The following SNAP25 variants were observed in gnomAD, a reference collection of about 807,000 sequenced individuals.
The protein encoded by SNAP25 is synaptosomal-associated protein 25.
A neutral mutation model predicts 28.7 loss-of-function variants in SNAP25; 3 were observed. That is an observed-to-expected ratio of 0.10 (90% CI 0.05 to 0.27). The LOEUF (loss-of-function observed/expected upper bound fraction) is 0.27, where lower values mean the gene tolerates loss of function less well. SNAP25 is among the 10% of genes least tolerant of loss of function. The probability of loss-of-function intolerance (pLI) is 1.00; values close to 1 mark genes in which losing one functional copy is unlikely to be tolerated. For synonymous variants in SNAP25, 61 were observed against 88.1 expected (o/e 0.69, Z 1.72); for missense variants, 117 against 278.7 (o/e 0.42, Z 4.13).
intron 1 of SNAP25, among the ~76,000 whole-genome samples, chr20:10,239,557 A>T (rs1413616027): frequency 6.6e-6 from 1 of 152,254 alleles, no homozygotes; most frequent in Non-Finnish European, 1.5e-5. Flanking sequence ...TCAAAAAGTC[A>T]TTACAAATTT....
chr20:10,272,441 A>G (rs1030470508), intron 1 of SNAP25, among the ~76,000 whole-genome samples: 2 of 152,034 alleles, frequency 1.3e-5, no homozygotes, highest in African/African-American at 4.8e-5. Flanking sequence ...AGTCTACTCA[A>G]CTTCCCCACG....
At chr20:10,249,288 C>T (rs182026956) in intron 1 of SNAP25, among the ~76,000 whole-genome samples, 127 of 152,198 alleles carry the variant, frequency 8.3e-4, no homozygotes, top group African/African-American at 2.6e-3. Flanking sequence ...GAAGCCCCAT[C>T]GGTGATGGTT....
intron 1 of SNAP25, among the ~76,000 whole-genome samples, chr20:10,257,634 C>A (rs989576386): frequency 1.3e-5 from 2 of 151,154 alleles, no homozygotes; most frequent in Admixed American, 1.3e-4. Context: ...TCGCTTGAAC[C>A]CAGGAGGCAG....
At chr20:10,227,870 G>T (rs2122642267) in intron 1 of SNAP25, among the ~76,000 whole-genome samples, 1 of 152,152 alleles carries the variant, frequency 6.6e-6, no homozygotes, top group East Asian at 1.9e-4. Context: ...TATGGCTTTG[G>T]CCAACTTGTG....
intron 7 of SNAP25, among the ~76,000 whole-genome samples, chr20:10,302,077 A>G (rs2064252963): frequency 6.6e-6 from 1 of 151,930 alleles, no homozygotes; most frequent in South Asian, 2.1e-4. Flanking sequence ...ACTTTGATTT[A>G]AAGTTATCAG....
At chr20:10,267,690 T>G (rs1379735372) in intron 1 of SNAP25, among the ~76,000 whole-genome samples, 1 of 152,132 alleles carries the variant, frequency 6.6e-6, no homozygotes, top group Non-Finnish European at 1.5e-5. Flanking sequence ...TGCCTGGGAC[T>G]ACAGGCACAC....
chr20:10,283,322 C>T lies in SNAP25; in HGVS notation c.115-1402C>T, dbSNP rs759477235. Among the ~76,000 whole-genome samples the T allele has an allele frequency of 5.3e-4, 81 of 152,208 alleles. 1 individual carries two copies. Among genetic ancestry groups the T allele is most frequent in the Non-Finnish European group, 1.1e-3 (74 of 68,040 alleles). The stretch of plus-strand genomic sequence containing the variant: ...TACAAAGGAGAACGGAGGCACAGAA[C>T]AGTCAGGACACTTGCCTGAGGCCCC... On this transcript the variant is annotated intron_variant, in intron 3 of 7. Transcript: ENST00000254976.
chr20:10,284,599 C>G, intron 3 of SNAP25, 125 bp from the exon 4 acceptor site: 2 of 756,986 alleles, frequency 2.6e-6, no homozygotes, highest in South Asian at 3.0e-5. Flanking sequence ...CATACTTTCT[C>G]CCTTTTTTCT....
chr20:10,240,888 G>A (rs181453892), intron 1 of SNAP25, among the ~76,000 whole-genome samples: 1 of 152,156 alleles, frequency 6.6e-6, no homozygotes, highest in African/African-American at 2.4e-5. Context: ...TGCCATTAGC[G>A]ACCTGGGGAG....
intron 1 of SNAP25, among the ~76,000 whole-genome samples, chr20:10,259,759 A>C (rs190741438): frequency 6.2e-4 from 94 of 152,090 alleles, no homozygotes; most frequent in African/African-American, 2.1e-3. Flanking sequence ...CTGGTCTGAA[A>C]CTCATGGCCT....
At position 10,245,691 on chromosome 20, in the gene SNAP25, T is replaced by TACAC. The variant is rs34503380; in HGVS notation, c.-64+26730_-64+26733dup. On this transcript the variant is annotated intron_variant, in intron 1 of 7. Transcript: ENST00000254976. ...CGACAGAAATGCTATCTTCATCTTA[T>TACAC]ACACACACACACACACACATACTGA... Among the ~76,000 whole-genome samples, 519 of 150,984 alleles carry TACAC rather than the reference T, an allele frequency of 3.4e-3. 3 individuals are homozygous for TACAC. Among genetic ancestry groups the TACAC allele is most frequent in the African/African-American group, 0.012 (484 of 41,202 alleles).
chr20:10,253,276 G>C (rs1255445010), intron 1 of SNAP25, among the ~76,000 whole-genome samples: 1 of 152,142 alleles, frequency 6.6e-6, no homozygotes, highest in African/African-American at 2.4e-5. Flanking sequence ...ACCAGGCCTT[G>C]GACTGAATCC....
intron 1 of SNAP25, among the ~76,000 whole-genome samples, chr20:10,247,118 G>A (rs2063142938): frequency 1.3e-5 from 2 of 152,084 alleles, no homozygotes; most frequent in African/African-American, 4.8e-5. Context: ...TGACCCAAAA[G>A]TTAGAAAAGA....
chr20:10,303,471 T>C (rs1031274976), intron 7 of SNAP25, among the ~76,000 whole-genome samples: 1 of 152,230 alleles, frequency 6.6e-6, no homozygotes, highest in African/African-American at 2.4e-5. Flanking sequence ...TGAACATGGA[T>C]AATTCTAATG....
At position 10,306,380 on chromosome 20, in the gene SNAP25, T is replaced by A. The variant is rs111252731; in HGVS notation, c.*183T>A. The A allele has an allele frequency of 1.3e-5, 7 of 541,896 alleles. No homozygotes were observed. The highest frequency in any genetic ancestry group is 3.9e-5 in the African/African-American group (2 of 51,692). 33.6% of individuals were successfully genotyped at this position (541,896 alleles called of 1,614,324 possible). On this transcript the variant is annotated 3_prime_UTR_variant, in exon 8 of 8. Transcript: ENST00000254976. The stretch of plus-strand genomic sequence containing the variant: ...CTTTGTGTCTTTTGTTCTCTCTTGG[T>A]CTCTTTCTTTCCAAAGGTTGTACAT...
At chr20:10,221,492 G>C (rs1434217326) in intron 1 of SNAP25, among the ~76,000 whole-genome samples, 1 of 152,174 alleles carries the variant, frequency 6.6e-6, no homozygotes, top group African/African-American at 2.4e-5. Flanking sequence ...GGTGAGAAGA[G>C]GCAGGAGCAG....
intron 5 of SNAP25, among the ~76,000 whole-genome samples, chr20:10,295,431 C>T (rs1040568036): frequency 6.6e-6 from 1 of 152,158 alleles, no homozygotes; most frequent in Admixed American, 6.5e-5. Flanking sequence ...AGACTCTAAG[C>T]CCTATTAAAT....
At chr20:10,292,804 T>C (rs776897439) in intron 4 of SNAP25, 4 of 874,302 alleles carry the variant, frequency 4.6e-6, no homozygotes, top group Non-Finnish European at 7.3e-6. Flanking sequence ...AAATTCTGTT[T>C]CACATAGTCA....
At chr20:10,303,373 CCAAA>C (rs1331678053) in intron 7 of SNAP25, among the ~76,000 whole-genome samples, 1 of 152,106 alleles carries the variant, frequency 6.6e-6, no homozygotes, top group Non-Finnish European at 1.5e-5. Flanking sequence ...TGTCAATTAT[CCAAA>C]CAGATGACAG....
Sources: allele counts gnomAD v4.1 joint callset (sites outside exome capture counted in the v4.1 genomes callset), GRCh38; gene constraint gnomAD v4.1.1; transcripts MANE v1.5; gene names NCBI Gene and HGNC (gene_info 2026-07-23, HGNC 2026-07-21).